The following ZRANB2 variants were observed in gnomAD, a reference collection of about 807,000 sequenced individuals.
ZRANB2 encodes the protein zinc finger Ran-binding domain-containing protein 2.
Under a neutral mutation model 53.4 loss-of-function variants are expected in ZRANB2, and 19 were observed. That is an observed-to-expected ratio of 0.36 (90% confidence interval 0.25 to 0.52). The LOEUF (loss-of-function observed/expected upper bound fraction) is 0.52. Ranked by LOEUF, ZRANB2 falls within the 20% of genes least tolerant of loss-of-function variation. The pLI is 0.93. For synonymous variants in ZRANB2, 145 were observed against 134.8 expected, an observed-to-expected ratio of 1.08 and a Z score of -0.52; for missense variants, 309 against 401.1, an observed-to-expected ratio of 0.77 and a Z score of 1.96.
At chr1:71,067,177 T>C (rs933053549) in intron 8 of ZRANB2, 1 of 318,582 alleles carries the variant, frequency 3.1e-6, no homozygotes, top group African/African-American at 2.2e-5. Context: ...CTGCTTACTA[T>C]ATCAAAATAG....
chr1:71,072,096 G>GA (rs774301600), intron 6 of ZRANB2, 25 bp downstream of exon 6: 28 of 1,599,784 alleles, frequency 1.8e-5, no homozygotes, highest in Middle Eastern at 4.1e-4. Flanking sequence ...AGACAAAAGG[G>GA]AAATAGGACA....
intron 1 of ZRANB2, among the ~76,000 whole-genome samples, chr1:71,079,772 G>C (rs1197875595): frequency 6.6e-6 from 1 of 152,116 alleles, no homozygotes; most frequent in Non-Finnish European, 1.5e-5. Flanking sequence ...TAACAACAAA[G>C]TCAGAAGTTG....
rs1311476751 is a variant in ZRANB2, at chr1:71,065,027, G to A, written c.*47C>T. Reference sequence around the variant, plus strand: ...AAGACACCAACTTCTTTAAAAATATGCTTCATGCACTGTACTGGATTTTTT... The same window carrying A: ...AAGACACCAACTTCTTTAAAAATATACTTCATGCACTGTACTGGATTTTTT... On this transcript the variant is annotated 3_prime_UTR_variant, in exon 10 of 10. Coordinates refer to ENST00000370920, the MANE Select transcript of ZRANB2 (RefSeq NM_203350.3). 2 of 1,384,546 alleles carry A rather than the reference G, an allele frequency of 1.4e-6. No homozygotes were observed. Among genetic ancestry groups the A allele is most frequent in the Admixed American group, 1.8e-5 (1 of 55,398 alleles). The allele number at this position is 1,384,546 out of a possible 1,614,324, so 85.8% of individuals were successfully genotyped here.
chr1:71,071,726 C>T lies in ZRANB2; in HGVS notation c.513+395G>A, dbSNP rs528570623. Among the ~76,000 whole-genome samples, 15 of 152,242 alleles carry T rather than the reference C, an allele frequency of 9.9e-5. No homozygotes were observed. The South Asian group carries it at 2.3e-3, about 23-fold the overall frequency. ...TCTCTGCCTAAATGTGCTCTCACCTCGGCTCTTATTGCTGGCTCCTTCCTA... is the reference window on the plus strand; with the variant it reads ...TCTCTGCCTAAATGTGCTCTCACCTTGGCTCTTATTGCTGGCTCCTTCCTA... On this transcript the variant is annotated intron_variant, in intron 6 of 9. Coordinates refer to ENST00000370920, the MANE Select transcript of ZRANB2 (RefSeq NM_203350.3).
At chr1:71,069,752 T>A (rs570015110) in intron 7 of ZRANB2, among the ~76,000 whole-genome samples, 34 of 152,284 alleles carry the variant, frequency 2.2e-4, no homozygotes, top group African/African-American at 7.7e-4. Flanking sequence ...TCCCCTTCTA[T>A]TTTTGTTTCT....
At chr1:71,065,382 A>T (rs2101038908) in intron 9 of ZRANB2, among the ~76,000 whole-genome samples, 1 of 152,212 alleles carries the variant, frequency 6.6e-6, no homozygotes, top group South Asian at 2.1e-4. Context: ...TTCAAAATAT[A>T]GCCACCTCTC....
chr1:71,079,411 A>C (rs1298119394), intron 1 of ZRANB2, among the ~76,000 whole-genome samples: 5 of 152,220 alleles, frequency 3.3e-5, no homozygotes, highest in African/African-American at 1.2e-4. Flanking sequence ...GTGTACGTGT[A>C]TATTGGTAAA....
At chr1:71,073,819 A>G (rs1419452383) in intron 4 of ZRANB2, among the ~76,000 whole-genome samples, 1 of 34,072 alleles carries the variant, frequency 2.9e-5, no homozygotes, top group African/African-American at 9.1e-5. Flanking sequence ...GTCTGCTGAC[A>G]ACAAAGACAT....
intron 7 of ZRANB2, 186 bp from the exon 8 acceptor site, chr1:71,069,548 A>T (rs1017045279): frequency 2.4e-6 from 1 of 423,276 alleles, no homozygotes; most frequent in East Asian, 3.8e-5. Context: ...TAATTAAAAA[A>T]ATATCACTTT....
At position 71,063,951 on chromosome 1, in the gene ZRANB2, T is replaced by C. The variant is rs1661363212; in HGVS notation, c.*1123A>G. 6.6e-6 allele frequency: 1 copy of C among 152,422 alleles called. No individual in the cohort carries two copies. Among genetic ancestry groups the C allele is most frequent in the African/African-American group, 2.4e-5 (1 of 41,448 alleles). The allele number at this position is 152,422 out of a possible 1,614,324, so 9.4% of individuals were successfully genotyped here. On this transcript the variant is annotated 3_prime_UTR_variant, in exon 10 of 10. Coordinates refer to ENST00000370920, the MANE Select transcript of ZRANB2 (RefSeq NM_203350.3). ...TACCTTGCATTGTCACTGGAAATACTGTTAAGAGAAACCTTTTTATTTTTT... is the reference window on the plus strand; with the variant it reads ...TACCTTGCATTGTCACTGGAAATACCGTTAAGAGAAACCTTTTTATTTTTT...
intron 7 of ZRANB2, 110 bp downstream of exon 7, chr1:71,070,717 T>G (rs1464301886): frequency 7.7e-6 from 5 of 646,532 alleles, no homozygotes; most frequent in African/African-American, 1.9e-5. Context: ...TGAATTAAAT[T>G]TTTAAAATAA....
chr1:71,064,821 C>A lies in ZRANB2; in HGVS notation c.*253G>T, dbSNP rs370181295. The A allele has an allele frequency of 3.1e-6, 1 of 317,990 alleles. No individual in the cohort carries two copies. The highest frequency in any genetic ancestry group is 2.2e-5 in the African/African-American group (1 of 46,428). 19.7% of individuals were successfully genotyped at this position (317,990 alleles called of 1,614,324 possible). On this transcript the variant is annotated 3_prime_UTR_variant, in exon 10 of 10. Transcript: ENST00000370920. Reference sequence around the variant, plus strand: ...TAGGAAGCAAAGTACTTTGTTATAGCTGAAATGGTTTTAAATGAAGCAAAT... The same window carrying A: ...TAGGAAGCAAAGTACTTTGTTATAGATGAAATGGTTTTAAATGAAGCAAAT...
intron 4 of ZRANB2, among the ~76,000 whole-genome samples, chr1:71,073,530 A>T (rs1661638492): frequency 6.6e-6 from 1 of 151,952 alleles, no homozygotes; most frequent in African/African-American, 2.4e-5. Flanking sequence ...AAATATTTTT[A>T]AAATTTCACT....
chr1:71,069,205 AAGC>A, intron 8 of ZRANB2, 68 bp downstream of exon 8: 1 of 1,276,142 alleles, frequency 7.8e-7, no homozygotes, highest in Non-Finnish European at 1.1e-6. Context: ...AGGGGAAAAA[AAGC>A]AGCAACACCT....
Position 71,064,499 on chromosome 1 carries a change from G to A in ZRANB2, c.*575C>T, listed in dbSNP as rs1258195792. On this transcript the variant is annotated 3_prime_UTR_variant, in exon 10 of 10. Coordinates refer to ENST00000370920, the MANE Select transcript of ZRANB2 (RefSeq NM_203350.3). ...ACAAGATTCTTTTGCATTAAATGTG[G>A]AGCAAAAAAGTAAAGCTGGATAAAA... 3 of 152,352 alleles carry A rather than the reference G, an allele frequency of 2.0e-5. No homozygotes were observed. Among genetic ancestry groups the A allele is most frequent in the Non-Finnish European group, 2.9e-5 (2 of 67,896 alleles). 9.4% of individuals were successfully genotyped at this position (152,352 alleles called of 1,614,324 possible). A position where few individuals can be genotyped will look rare whatever the true frequency, so the allele number is the denominator to read the frequency against.
chr1:71,072,556 A>C lies in ZRANB2; in HGVS notation c.302-8T>G, dbSNP rs759244953. 3.8e-6 allele frequency: 6 copies of C among 1,594,150 alleles called. No homozygotes were observed. In the South Asian group the frequency reaches 5.6e-5, roughly 15 times the overall value. On this transcript the variant is annotated splice_polypyrimidine_tract_variant and splice_region_variant and intron_variant, in intron 4 of 9. Coordinates refer to ENST00000370920, the MANE Select transcript of ZRANB2 (RefSeq NM_203350.3). ...TAAAACCACCACCATATCCTTAAAA[A>C]AGAGGGCACAAATTGTTACCCTATG...
At chr1:71,071,131 A>G in intron 6 of ZRANB2, 135 bp from the exon 7 acceptor site, 3 of 713,632 alleles carry the variant, frequency 4.2e-6, no homozygotes, top group Non-Finnish European at 6.1e-6. Context: ...CTGAATTCTA[A>G]AATTCACCTA....
At chr1:71,069,216 C>A in intron 8 of ZRANB2, 60 bp downstream of exon 8, 3 of 1,378,718 alleles carry the variant, frequency 2.2e-6, no homozygotes, top group Non-Finnish European at 3.0e-6. Flanking sequence ...AGCAGCAACA[C>A]CTTCTGCAGC....
chr1:71,077,728 G>C (rs1661738944), intron 3 of ZRANB2, among the ~76,000 whole-genome samples: 1 of 152,066 alleles, frequency 6.6e-6, no homozygotes, highest in African/African-American at 2.4e-5. Flanking sequence ...TGGTGGCATG[G>C]GCCTGTGGTC....
Sources: gnomAD v4.1 joint callset for allele counts (sites outside exome capture counted in the v4.1 genomes callset) on GRCh38, gnomAD v4.1.1 for gene constraint, MANE v1.5 for transcripts, NCBI Gene and HGNC (gene_info 2026-07-23, HGNC 2026-07-21) for gene names.